MICAL3: variants seen among roughly 807,000 people sequenced by gnomAD.
The protein encoded by MICAL3 is microtubule associated monooxygenase, calponin and LIM domain containing 3.
Under a neutral mutation model 207.4 loss-of-function variants are expected in MICAL3, and 62 were observed. The ratio of observed to expected loss-of-function variants is 0.30; its 90% CI spans 0.24 to 0.37. The LOEUF is 0.37. Among genes scored for constraint, MICAL3 ranks in the 10% least tolerant of loss-of-function variants. The pLI, the probability that MICAL3 is intolerant of heterozygous loss-of-function variation, is 1.00. For synonymous variants in MICAL3, 1,077 were observed against 1,069.3 expected (o/e 1.01, Z -0.14); for missense variants, 2,368 against 2,635.6 (o/e 0.90, Z 2.22).
chr22:17,858,737 C>G (rs1460113620), intron 19 of MICAL3, among the ~76,000 whole-genome samples: 1 of 152,190 alleles, frequency 6.6e-6, no homozygotes, highest in East Asian at 1.9e-4. Flanking sequence ...AAACTGAGAT[C>G]CAAAAGGGAT....
chr22:17,970,319 G>A (rs1010334702), intron 1 of MICAL3, among the ~76,000 whole-genome samples: 2 of 152,246 alleles, frequency 1.3e-5, no homozygotes, highest in African/African-American at 4.8e-5. Context: ...ACCAGCTGCT[G>A]GCCCATGCTT....
intron 1 of MICAL3, among the ~76,000 whole-genome samples, chr22:17,912,154 G>C (rs545327679): frequency 9.2e-5 from 14 of 152,284 alleles, no homozygotes; most frequent in African/African-American, 3.1e-4. Flanking sequence ...ATATATGTTA[G>C]GGTATGTTTC....
At chr22:17,822,218 A>G (rs1921722325) in intron 23 of MICAL3, 48 bp from the exon 24 acceptor site, 1 of 1,581,394 alleles carries the variant, frequency 6.3e-7, no homozygotes, top group Non-Finnish European at 8.6e-7. Context: ...AAGTGAGGCC[A>G]ACTCCTTTTC....
intron 1 of MICAL3, among the ~76,000 whole-genome samples, chr22:17,946,075 C>CAAGCAGGTACAGATGACA (rs1254145265): frequency 6.6e-5 from 10 of 152,264 alleles, no homozygotes; most frequent in African/African-American, 2.4e-4. Flanking sequence ...GAGAGTGTGG[C>CAAGCAGGTACAGATGACA]AAGCAGGTAC....
chr22:17,962,925 TA>T (rs1418357032), intron 1 of MICAL3, among the ~76,000 whole-genome samples: 1 of 152,022 alleles, frequency 6.6e-6, no homozygotes, highest in Admixed American at 6.5e-5. Context: ...AATTTTTTTT[TA>T]AAAAATTTTA....
intron 29 of MICAL3, among the ~76,000 whole-genome samples, chr22:17,801,787 G>A (rs944124368): frequency 3.9e-5 from 6 of 151,924 alleles, no homozygotes; most frequent in Admixed American, 2.6e-4. Flanking sequence ...CCAGCTACTC[G>A]GGAGGCTGAG....
At chr22:17,847,259 C>A (rs1432398964) in intron 19 of MICAL3, among the ~76,000 whole-genome samples, 1 of 152,204 alleles carries the variant, frequency 6.6e-6, no homozygotes, top group African/African-American at 2.4e-5. Flanking sequence ...GCCTCTTCTG[C>A]CTCTTTCTGG....
At chr22:17,833,338 C>G (rs985704448) in intron 20 of MICAL3, among the ~76,000 whole-genome samples, 3 of 152,252 alleles carry the variant, frequency 2.0e-5, no homozygotes, top group Non-Finnish European at 4.4e-5. Flanking sequence ...GGGAAATCAG[C>G]TTTCACGTTA....
intron 19 of MICAL3, among the ~76,000 whole-genome samples, chr22:17,848,438 C>T (rs1241010474): frequency 1.3e-5 from 2 of 152,184 alleles, no homozygotes; most frequent in East Asian, 3.9e-4. Context: ...AGACATTTTC[C>T]AGTTTAGGGC....
intron 27 of MICAL3, among the ~76,000 whole-genome samples, chr22:17,811,856 C>T (rs549616801): frequency 1.1e-4 from 16 of 152,294 alleles, no homozygotes; most frequent in Admixed American, 3.9e-4. Flanking sequence ...GTGATCCTCC[C>T]GCCTCAGCCT....
intron 19 of MICAL3, among the ~76,000 whole-genome samples, chr22:17,854,843 G>A (rs1360211135): frequency 2.0e-5 from 3 of 152,204 alleles, no homozygotes; most frequent in African/African-American, 7.2e-5. Context: ...ACTTTCTCCT[G>A]GCTGGATGCT....
chr22:17,972,242 A>G (rs1460873142), intron 1 of MICAL3, among the ~76,000 whole-genome samples: 4 of 152,216 alleles, frequency 2.6e-5, no homozygotes, highest in African/African-American at 4.8e-5. Context: ...AAAACAAAAA[A>G]ATCTTGAGAC....
chr22:17,856,238 G>A (rs1338931824), intron 19 of MICAL3, among the ~76,000 whole-genome samples: 1 of 152,242 alleles, frequency 6.6e-6, no homozygotes. Flanking sequence ...AGGAGTGACG[G>A]CACTGCAAGC....
chr22:18,014,203 G>C (rs1184234018), intron 1 of MICAL3, among the ~76,000 whole-genome samples: 1 of 151,970 alleles, frequency 6.6e-6, no homozygotes, highest in African/African-American at 2.4e-5. Flanking sequence ...TTAGGAAAAA[G>C]AGCACAGGGT....
At chr22:17,975,947 G>T (rs1935610362) in intron 1 of MICAL3, among the ~76,000 whole-genome samples, 1 of 152,114 alleles carries the variant, frequency 6.6e-6, no homozygotes, top group Non-Finnish European at 1.5e-5. Flanking sequence ...CTACTCAGGA[G>T]GCTGAGGCAG....
intron 19 of MICAL3, chr22:17,862,744 G>A (rs139021307): frequency 3.7e-5 from 36 of 985,410 alleles, no homozygotes; most frequent in East Asian, 1.1e-4. Flanking sequence ...TGAGCTCACC[G>A]GGAGGCAAGG....
intron 1 of MICAL3, among the ~76,000 whole-genome samples, chr22:17,913,785 GAAGT>G (rs919964005): frequency 3.9e-5 from 6 of 152,170 alleles, no homozygotes; most frequent in Non-Finnish European, 7.4e-5. Flanking sequence ...GCTGAGAAAT[GAAGT>G]AAGTCAGAAG....
intron 19 of MICAL3, among the ~76,000 whole-genome samples, chr22:17,857,549 G>A (rs984944623): frequency 1.3e-5 from 2 of 152,168 alleles, no homozygotes; most frequent in African/African-American, 2.4e-5. Context: ...ACAGAATAAG[G>A]AAATCAGTCA....
chr22:17,804,855 T>A (rs2061974471), intron 29 of MICAL3, among the ~76,000 whole-genome samples: 1 of 152,190 alleles, frequency 6.6e-6, no homozygotes, highest in South Asian at 2.1e-4. Flanking sequence ...CCCCAGTTTT[T>A]CAATGCATGC....
Sources: allele counts gnomAD v4.1 joint callset (sites outside exome capture counted in the v4.1 genomes callset), GRCh38; gene constraint gnomAD v4.1.1; transcripts MANE v1.5; gene names NCBI Gene and HGNC (gene_info 2026-07-23, HGNC 2026-07-21).